JMJD1C: variants seen among roughly 807,000 people sequenced by gnomAD.
JMJD1C encodes jumonji domain containing 1C.
JMJD1C carries 31 observed loss-of-function variants against 245.3 expected under a neutral mutation model. The ratio of observed to expected loss-of-function variants is 0.13; its 90% confidence interval spans 0.09 to 0.17. The LOEUF (loss-of-function observed/expected upper bound fraction) is 0.17, where lower values mean the gene tolerates loss of function less well. JMJD1C is among the 10% of genes least tolerant of loss of function. The probability of loss-of-function intolerance (pLI) is 1.00; values close to 1 mark genes in which losing one functional copy is unlikely to be tolerated. For synonymous variants in JMJD1C, 1,057 were observed against 1,017.4 expected, an observed-to-expected ratio of 1.04 and a Z score of -0.74; for missense variants, 2,691 against 3,000.2, an observed-to-expected ratio of 0.90 and a Z score of 2.41.
intron 1 of JMJD1C, among the ~76,000 whole-genome samples, chr10:63,452,927 C>T (rs12267869): frequency 0.14 from 21,835 of 152,052 alleles, 3,600 homozygotes; most frequent in African/African-American, 0.41. Context: ...ATGGATAGTA[C>T]TGATAATTTC....
chr10:63,404,560 AT>A (rs1298993981), intron 1 of JMJD1C, among the ~76,000 whole-genome samples: 1 of 152,176 alleles, frequency 6.6e-6, no homozygotes, highest in Non-Finnish European at 1.5e-5. Context: ...ATTAAGATAT[AT>A]TTGAGATTTT....
intron 21 of JMJD1C, 50 bp downstream of exon 21, chr10:63,184,558 A>T (rs1843893358): frequency 1.9e-6 from 3 of 1,539,632 alleles, no homozygotes; most frequent in African/African-American, 1.4e-5. Context: ...CAAAAATTTT[A>T]AAAAATCCAA....
chr10:63,385,646 A>G (rs888856581), intron 1 of JMJD1C, among the ~76,000 whole-genome samples: 1 of 151,638 alleles, frequency 6.6e-6, no homozygotes, highest in African/African-American at 2.4e-5. Context: ...GGGTCTTGCT[A>G]TATTGTTCAG....
chr10:63,280,445 G>A (rs991803017), intron 2 of JMJD1C, among the ~76,000 whole-genome samples: 3 of 152,116 alleles, frequency 2.0e-5, no homozygotes, highest in Non-Finnish European at 4.4e-5. Flanking sequence ...AGTTACTCGG[G>A]AGGCTGAGGC....
intron 3 of JMJD1C, among the ~76,000 whole-genome samples, chr10:63,255,306 T>C (rs1371451798): frequency 6.6e-6 from 1 of 152,212 alleles, no homozygotes; most frequent in Non-Finnish European, 1.5e-5. Context: ...ATGCCATCTA[T>C]CTGTAATTTT....
chr10:63,278,163 T>C lies in JMJD1C; in HGVS notation c.334-13399A>G, dbSNP rs185387098. On this transcript the variant is annotated intron_variant, in intron 2 of 25. Coordinates refer to ENST00000399262, the MANE Select transcript of JMJD1C (RefSeq NM_032776.3). ...AGTCAATGAAATACAGGCTGGATGA[T>C]AATTACATATCTGCAGTGGGTTAAA... is the stretch of plus-strand genomic sequence containing the variant. Among the ~76,000 whole-genome samples the C allele has an allele frequency of 6.8e-3, 1,039 of 152,078 alleles. 10 individuals are homozygous for C. The highest frequency in any genetic ancestry group is 0.016 in the South Asian group (78 of 4,810).
intron 2 of JMJD1C, among the ~76,000 whole-genome samples, chr10:63,269,672 C>A (rs932553729): frequency 1.3e-5 from 2 of 151,982 alleles, no homozygotes; most frequent in African/African-American, 2.4e-5. Context: ...TCTCAACAAT[C>A]TCATAGGCAT....
At chr10:63,466,146 G>GGCGGCGGCGGCGGCGGCGGCA, upstream of JMJD1C, 1 of 187,364 alleles carries the variant, frequency 5.3e-6, no homozygotes, top group East Asian at 1.7e-4. Flanking sequence ...CAGAGGCGGC[G>GGCGGCGGCGGCGGCGGCGGCA]GCGGCGGCGG....
At chr10:63,483,359 G>A (rs1482003285) in intron 1 of JMJD1C, among the ~76,000 whole-genome samples, 3 of 152,192 alleles carry the variant, frequency 2.0e-5, no homozygotes, top group African/African-American at 7.2e-5. Context: ...AGATCAGAAA[G>A]TCTTAGCCTT....
At chr10:63,431,190 A>G (rs1011933178) in intron 1 of JMJD1C, among the ~76,000 whole-genome samples, 8 of 152,370 alleles carry the variant, frequency 5.3e-5, no homozygotes, top group African/African-American at 1.9e-4. Context: ...GAACAATAAA[A>G]TACTATAACA....
At chr10:63,390,681 C>T (rs1947982706) in intron 1 of JMJD1C, among the ~76,000 whole-genome samples, 1 of 152,132 alleles carries the variant, frequency 6.6e-6, no homozygotes, top group Admixed American at 6.6e-5. Flanking sequence ...ACATCAAAAA[C>T]ATCAAGATCA....
At chr10:63,349,100 C>CAAAAAAAAAAAAAAAAAA (rs71463516) in intron 2 of JMJD1C, among the ~76,000 whole-genome samples, 1 of 34,872 alleles carries the variant, frequency 2.9e-5, no homozygotes, top group African/African-American at 1.2e-4. Context: ...GACTCTGTCT[C>CAAAAAAAAAAAAAAAAAA]AAAAAAAAAA....
At chr10:63,354,238 G>A (rs1944608550) in intron 2 of JMJD1C, among the ~76,000 whole-genome samples, 1 of 152,174 alleles carries the variant, frequency 6.6e-6, no homozygotes, top group African/African-American at 2.4e-5. Flanking sequence ...AGGTGATCAT[G>A]AATCAATTGT....
chr10:63,208,986 A>T, intron 9 of JMJD1C, 77 bp downstream of exon 9: 1 of 1,291,244 alleles, frequency 7.7e-7, no homozygotes, highest in Non-Finnish European at 1.1e-6. Context: ...TGTTAACTTA[A>T]AATTAACTAT....
chr10:63,236,058 T>C (rs1352477836), intron 3 of JMJD1C, among the ~76,000 whole-genome samples: 1 of 152,244 alleles, frequency 6.6e-6, no homozygotes, highest in East Asian at 1.9e-4. Context: ...ATTTTGGAAT[T>C]GGATATACTA....
chr10:63,256,652 T>C (rs1316127345), intron 3 of JMJD1C, among the ~76,000 whole-genome samples: 2 of 152,168 alleles, frequency 1.3e-5, no homozygotes, highest in Non-Finnish European at 2.9e-5. Flanking sequence ...TCTGGCCTCG[T>C]CTCCTAGACC....
chr10:63,504,222 T>C (rs892166964), intron 1 of JMJD1C, among the ~76,000 whole-genome samples: 5 of 152,208 alleles, frequency 3.3e-5, no homozygotes, highest in African/African-American at 1.2e-4. Flanking sequence ...GTACTGAGAC[T>C]ACTACAATAA....
intron 2 of JMJD1C, among the ~76,000 whole-genome samples, chr10:63,284,920 GCTGT>G (rs1350019413): frequency 9.6e-5 from 14 of 145,620 alleles, no homozygotes; most frequent in Non-Finnish European, 2.0e-4. Context: ...CTCTCTACTC[GCTGT>G]CTCTCACACA....
chr10:63,428,073 ATATATT>A (rs1309158857), intron 1 of JMJD1C: 2 of 536,706 alleles, frequency 3.7e-6, no homozygotes, highest in Non-Finnish European at 3.4e-6. Context: ...ACACATATAT[ATATATT>A]AAGACAGCTG....
Sources: gnomAD v4.1 joint callset for allele counts (sites outside exome capture counted in the v4.1 genomes callset) on GRCh38, gnomAD v4.1.1 for gene constraint, MANE v1.5 for transcripts, NCBI Gene and HGNC (gene_info 2026-07-23, HGNC 2026-07-21) for gene names.